MSI2: variants seen among roughly 807,000 people sequenced by gnomAD.
The protein encoded by MSI2 is RNA-binding protein Musashi homolog 2.
In MSI2, 17 loss-of-function variants were observed where a neutral mutation model predicts 45.6. The ratio of observed to expected loss-of-function variants is 0.37; its 90% confidence interval spans 0.26 to 0.56. The LOEUF (loss-of-function observed/expected upper bound fraction) is 0.56, where lower values mean the gene tolerates loss of function less well. Among genes scored for constraint, MSI2 ranks in the 20% least tolerant of loss-of-function variants. MSI2 has a pLI of 0.77. For missense variants in MSI2, 293 were observed against 444.2 expected, an observed-to-expected ratio of 0.66 and a Z score of 3.06; for synonymous variants, 156 against 158.2, an observed-to-expected ratio of 0.99 and a Z score of 0.11.
At chr17:57,693,857 C>G in the MSI2 span, among the ~76,000 whole-genome samples, 1 of 152,224 alleles carries the variant, frequency 6.6e-6, no homozygotes, top group Non-Finnish European at 1.5e-5. Context: ...AAGGGATCTG[C>G]AAACTATGGT....
intron 6 of MSI2, among the ~76,000 whole-genome samples, chr17:57,509,882 C>T (rs1031277632): frequency 6.6e-6 from 1 of 152,010 alleles, no homozygotes; most frequent in African/African-American, 2.4e-5. Flanking sequence ...AGTGTCATTC[C>T]TGAAGATTTT....
At chr17:57,448,688 A>G in intron 6 of MSI2, 1 of 152,282 alleles carries the variant, frequency 6.6e-6, no homozygotes, top group East Asian at 1.9e-4. Flanking sequence ...GAGCAGGAGC[A>G]TGTTGGGTGA....
chr17:57,318,236 T>C (rs1487498145), intron 5 of MSI2, among the ~76,000 whole-genome samples: 1 of 152,056 alleles, frequency 6.6e-6, no homozygotes, highest in Non-Finnish European at 1.5e-5. Context: ...TGTGAGCATG[T>C]CCTGGAAGAG....
intron 5 of MSI2, among the ~76,000 whole-genome samples, chr17:57,324,746 TCTC>T (rs1030127374): frequency 6.6e-6 from 1 of 152,188 alleles, no homozygotes; most frequent in African/African-American, 2.4e-5. Flanking sequence ...TCTTCCAGCC[TCTC>T]CTCTTGACCT....
intron 7 of MSI2, among the ~76,000 whole-genome samples, chr17:57,560,757 C>A (rs2087554745): frequency 6.6e-6 from 1 of 152,214 alleles, no homozygotes; most frequent in Non-Finnish European, 1.5e-5. Context: ...GTCATTAGGG[C>A]AATGCCTGTA....
intron 5 of MSI2, among the ~76,000 whole-genome samples, chr17:57,347,327 G>A (rs970432209): frequency 2.0e-5 from 3 of 152,122 alleles, no homozygotes; most frequent in African/African-American, 7.2e-5. Flanking sequence ...TGAATTATGA[G>A]ACCTGTATTC....
At chr17:57,262,094 A>G (rs373775343) in intron 4 of MSI2, 57 bp from the exon 5 acceptor site, 15 of 1,535,612 alleles carry the variant, frequency 9.8e-6, no homozygotes, top group African/African-American at 9.6e-5. Flanking sequence ...GTGATTAATC[A>G]TATATTTTTT....
chr17:57,659,292 C>A (rs1911829003), intron 11 of MSI2, among the ~76,000 whole-genome samples: 1 of 151,740 alleles, frequency 6.6e-6, no homozygotes, highest in Non-Finnish European at 1.5e-5. Flanking sequence ...GACAGGGTCT[C>A]ACTATATTGC....
intron 6 of MSI2, among the ~76,000 whole-genome samples, chr17:57,481,254 T>G (rs1252372858): frequency 2.0e-5 from 3 of 152,236 alleles, no homozygotes. Flanking sequence ...GCAAGTAATG[T>G]CTTTCAAAAG....
chr17:57,527,796 C>T (rs2086735259), intron 6 of MSI2, among the ~76,000 whole-genome samples: 1 of 152,200 alleles, frequency 6.6e-6, no homozygotes. Flanking sequence ...CCATTCTTAC[C>T]TTGACTTTGC....
chr17:57,440,466 G>GTGTGTGTGTGTGTT (rs2084779068), intron 6 of MSI2, among the ~76,000 whole-genome samples: 1 of 145,504 alleles, frequency 6.9e-6, no homozygotes, highest in East Asian at 2.0e-4. Context: ...GTGTGTGTGT[G>GTGTGTGTGTGTGTT]TAGCGTGGCT....
At chr17:57,521,183 T>C (rs1250459971) in intron 6 of MSI2, among the ~76,000 whole-genome samples, 1 of 152,146 alleles carries the variant, frequency 6.6e-6, no homozygotes, top group Non-Finnish European at 1.5e-5. Flanking sequence ...ACAGAAAGGC[T>C]GGCTGTAGCA....
At position 57,529,560 on chromosome 17, in the gene MSI2, A is replaced by G; in HGVS notation, c.406-116A>G. ...TTTGCATTTTCAAATATTTTTTGAT[A>G]AGCAACTATTACTTCTGTAATGGAA... On this transcript the variant is annotated intron_variant, in intron 6 of 13. Coordinates refer to ENST00000284073, the MANE Select transcript of MSI2 (RefSeq NM_138962.4). This position sits in a 1 kb window ranked among gnomAD's most constrained non-coding sequence, Gnocchi z 5.3. 3.5e-6 allele frequency: 3 copies of G among 868,276 alleles called. No homozygotes were observed. Among genetic ancestry groups the G allele is most frequent in the Non-Finnish European group, 5.5e-6 (3 of 548,406 alleles). The allele number at this position is 868,276 out of a possible 1,614,324, so 53.8% of individuals were successfully genotyped here. A position where few individuals can be genotyped will look rare whatever the true frequency, so the allele number is the denominator to read the frequency against.
At chr17:57,458,698 A>G (rs1291587270) in intron 6 of MSI2, among the ~76,000 whole-genome samples, 1 of 152,202 alleles carries the variant, frequency 6.6e-6, no homozygotes, top group African/African-American at 2.4e-5. Flanking sequence ...CCCATAACTC[A>G]GATCAGTTAG....
chr17:57,540,174 A>G (rs1403658254), intron 7 of MSI2, among the ~76,000 whole-genome samples: 1 of 152,194 alleles, frequency 6.6e-6, no homozygotes, highest in African/African-American at 2.4e-5. Context: ...TAACTCATGG[A>G]CTTGGGAAGT....
At chr17:57,436,097 G>T (rs2084685736) in intron 6 of MSI2, among the ~76,000 whole-genome samples, 1 of 152,182 alleles carries the variant, frequency 6.6e-6, no homozygotes, top group African/African-American at 2.4e-5. Flanking sequence ...AAAGCAGAAG[G>T]TTCCTAATGG....
intron 5 of MSI2, among the ~76,000 whole-genome samples, chr17:57,338,503 T>C (rs978548763): frequency 1.3e-5 from 2 of 152,202 alleles, no homozygotes; most frequent in Non-Finnish European, 2.9e-5. Context: ...GCGGTCTCTG[T>C]CCATGAGACC....
At position 57,317,118 on chromosome 17, in the gene MSI2, C is replaced by A. The variant is rs145070354; in HGVS notation, c.312+54926C>A. The stretch of plus-strand genomic sequence containing the variant: ...CATGCATGCCACCTAGACTAGGGGG[C>A]CTTTCACCTCTTTGCCATCTCTGAT... On this transcript the variant is annotated intron_variant, in intron 5 of 13. Transcript: ENST00000284073. Among the ~76,000 whole-genome samples the A allele has an allele frequency of 2.3e-3, 347 of 152,152 alleles. 12 individuals are homozygous for A. The East Asian group carries it at 0.06, about 26-fold the overall frequency.
chr17:57,499,446 CAT>C (rs1390777956), intron 6 of MSI2, among the ~76,000 whole-genome samples: 1 of 150,476 alleles, frequency 6.6e-6, no homozygotes, highest in African/African-American at 2.4e-5. Context: ...CCACAACACA[CAT>C]GTTTTTCTAA....
Sources: allele counts gnomAD v4.1 joint callset (sites outside exome capture counted in the v4.1 genomes callset), GRCh38; gene constraint gnomAD v4.1.1; non-coding constraint Gnocchi (gnomAD v3.1); transcripts MANE v1.5; gene names NCBI Gene and HGNC (gene_info 2026-07-23, HGNC 2026-07-21).